The following ANO6 variants were observed in gnomAD, a reference collection of about 807,000 sequenced individuals.
ANO6 encodes the protein anoctamin-6.
ANO6 carries 106 observed loss-of-function variants against 117.5 expected under a neutral mutation model. The observed-to-expected ratio is 0.90, with a 90% CI of 0.77 to 1.06. The LOEUF (loss-of-function observed/expected upper bound fraction) is 1.06. Among genes scored for constraint, ANO6 ranks in the 50% least tolerant of loss-of-function variants. ANO6 has a pLI of 0.00. For synonymous variants in ANO6, 367 were observed against 385.1 expected (o/e 0.95, Z 0.55); for missense variants, 955 against 1,121.1 (o/e 0.85, Z 2.12).
intron 1 of ANO6, among the ~76,000 whole-genome samples, chr12:45,291,273 G>A (rs954010415): frequency 6.7e-6 from 1 of 150,322 alleles, no homozygotes; most frequent in African/African-American, 2.5e-5. Flanking sequence ...TTGAATCCAG[G>A]AGGCGGAGGT....
intron 10 of ANO6, among the ~76,000 whole-genome samples, chr12:45,385,737 G>A (rs1189050950): frequency 1.3e-5 from 2 of 152,180 alleles, no homozygotes; most frequent in East Asian, 1.9e-4. Flanking sequence ...AAGCACAAAT[G>A]TCTGGGTTGT....
intron 1 of ANO6, among the ~76,000 whole-genome samples, chr12:45,243,699 G>A (rs1210489720): frequency 6.6e-6 from 1 of 152,062 alleles, no homozygotes; most frequent in Non-Finnish European, 1.5e-5. Context: ...ACAGTCACCT[G>A]CCACCATGCC....
At chr12:45,273,513 T>C (rs1411786226) in intron 1 of ANO6, among the ~76,000 whole-genome samples, 1 of 152,232 alleles carries the variant, frequency 6.6e-6, no homozygotes, top group African/African-American at 2.4e-5. Flanking sequence ...ACCTACTAGC[T>C]GTGTGATTTT....
chr12:45,259,135 A>G (rs114768030), intron 1 of ANO6, among the ~76,000 whole-genome samples: 2,748 of 152,334 alleles, frequency 0.018, 79 homozygotes, highest in African/African-American at 0.062. Flanking sequence ...CAGAAGCTTT[A>G]CATGGAACAA....
chr12:45,319,315 T>G (rs1171715318), intron 2 of ANO6, among the ~76,000 whole-genome samples: 1 of 152,242 alleles, frequency 6.6e-6, no homozygotes, highest in Non-Finnish European at 1.5e-5. Context: ...ATTCAGAGTT[T>G]TTAGCATGAA....
intron 1 of ANO6, among the ~76,000 whole-genome samples, chr12:45,284,009 T>C (rs546294083): frequency 6.6e-6 from 1 of 152,216 alleles, no homozygotes; most frequent in Non-Finnish European, 1.5e-5. Flanking sequence ...ATTAATAGGA[T>C]AAAAGGCATA....
intron 12 of ANO6, among the ~76,000 whole-genome samples, chr12:45,395,540 A>C (rs1230542892): frequency 6.6e-6 from 1 of 152,196 alleles, no homozygotes; most frequent in Admixed American, 6.5e-5. Context: ...CACAACAAAA[A>C]AAGAGAATTT....
chr12:45,293,557 G>A (rs894277120), intron 1 of ANO6, among the ~76,000 whole-genome samples: 15 of 151,384 alleles, frequency 9.9e-5, no homozygotes, highest in Non-Finnish European at 2.2e-4. Flanking sequence ...AAAAAATACT[G>A]TATTATATTA....
chr12:45,415,435 T>A (rs768376769), intron 16 of ANO6, among the ~76,000 whole-genome samples: 1 of 152,254 alleles, frequency 6.6e-6, no homozygotes, highest in Non-Finnish European at 1.5e-5. Context: ...AACTATGAGC[T>A]GTCCCTTTCC....
chr12:45,221,728 C>T (rs924942903), intron 1 of ANO6, among the ~76,000 whole-genome samples: 4 of 151,998 alleles, frequency 2.6e-5, no homozygotes, highest in African/African-American at 9.7e-5. Flanking sequence ...GAAAGAGGCG[C>T]CATCTGTGGG....
Position 45,394,185 on chromosome 12 carries a change from G to A in ANO6, c.1386+3687G>A, listed in dbSNP as rs150558848. On this transcript the variant is annotated intron_variant, in intron 12 of 19. Transcript: ENST00000320560. The stretch of plus-strand genomic sequence containing the variant: ...GCAAATGGAAAGCAAAAAAAAGCAG[G>A]GGTTGCAATCCTAGTCTCTCATAAA... Among the ~76,000 whole-genome samples the A allele has an allele frequency of 9.0e-3, 1,373 of 152,126 alleles. 30 individuals carry two copies. The East Asian group carries it at 0.11, about 12-fold the overall frequency.
chr12:45,231,957 A>G (rs1947580416), intron 1 of ANO6, among the ~76,000 whole-genome samples: 1 of 152,214 alleles, frequency 6.6e-6, no homozygotes, highest in Admixed American at 6.5e-5. Flanking sequence ...CACCATCTTT[A>G]CTAGATTATT....
chr12:45,256,524 TAAAA>T (rs60160047), intron 1 of ANO6: 3 of 152,046 alleles, frequency 2.0e-5, no homozygotes, highest in South Asian at 2.1e-4. Flanking sequence ...TCTAATGTGG[TAAAA>T]AAAATCATAG....
chr12:45,266,840 GTGTA>G (rs1316186121), intron 1 of ANO6, among the ~76,000 whole-genome samples: 2 of 141,364 alleles, frequency 1.4e-5, no homozygotes, highest in African/African-American at 2.6e-5. Flanking sequence ...GTGTGTGTGT[GTGTA>G]TAATATGGCT....
At chr12:45,324,481 G>C (rs998930483) in intron 2 of ANO6, among the ~76,000 whole-genome samples, 3 of 152,178 alleles carry the variant, frequency 2.0e-5, no homozygotes, top group African/African-American at 7.2e-5. Flanking sequence ...TGCAAACGTT[G>C]ATTTCCAGAG....
rs116201979 is a variant in ANO6 at position 45,281,597 on chromosome 12, A to G, written c.71-20417A>G. 9.6e-3 allele frequency among the ~76,000 whole-genome samples: 1,461 copies of G among 152,216 alleles called. 25 individuals are homozygous for G. Among genetic ancestry groups the G allele is most frequent in the African/African-American group, 0.033 (1,375 of 41,526 alleles). ...CAGATCTCATGTGAACTGAGCAAGA[A>G]CTCATAAGCATGGGGATGGTGCTCA... On this transcript the variant is annotated intron_variant, in intron 1 of 19. Coordinates refer to ENST00000320560, the MANE Select transcript of ANO6 (RefSeq NM_001025356.3).
chr12:45,239,287 G>C (rs549648916), intron 1 of ANO6, among the ~76,000 whole-genome samples: 6 of 152,294 alleles, frequency 3.9e-5, no homozygotes, highest in Non-Finnish European at 7.4e-5. Context: ...ATGTGTCCAG[G>C]AATTTATCCA....
At chr12:45,248,690 T>TTA (rs770833756) in intron 1 of ANO6, among the ~76,000 whole-genome samples, 1 of 152,058 alleles carries the variant, frequency 6.6e-6, no homozygotes, top group African/African-American at 2.4e-5. Context: ...AGTGCTGGGA[T>TTA]TATAGGTGTG....
intron 12 of ANO6, among the ~76,000 whole-genome samples, chr12:45,395,524 C>A (rs1263867602): frequency 6.6e-6 from 1 of 152,128 alleles, no homozygotes. Flanking sequence ...CAAAGCCTGG[C>A]AGAGACACAA....
Sources: gnomAD v4.1 joint callset for allele counts (sites outside exome capture counted in the v4.1 genomes callset) on GRCh38, gnomAD v4.1.1 for gene constraint, MANE v1.5 for transcripts, NCBI Gene and HGNC (gene_info 2026-07-23, HGNC 2026-07-21) for gene names.